Variants in SLC44A1 observed in about 807,000 individuals in gnomAD.
SLC44A1 encodes the protein choline transporter-like protein 1.
Under a neutral mutation model 79.3 loss-of-function variants are expected in SLC44A1, and 26 were observed. The ratio of observed to expected loss-of-function variants is 0.33; its 90% CI spans 0.24 to 0.46. The LOEUF (loss-of-function observed/expected upper bound fraction) is 0.46, where lower values mean the gene tolerates loss of function less well. Ranked by LOEUF, SLC44A1 falls within the 20% of genes least tolerant of loss-of-function variation. The pLI is 1.00. For missense variants in SLC44A1, 688 were observed against 798.1 expected (o/e 0.86, Z 1.66); for synonymous variants, 263 against 286.2 (o/e 0.92, Z 0.82).
chr9:105,378,316 A>G (rs1353776674), intron 13 of SLC44A1, among the ~76,000 whole-genome samples: 2 of 152,222 alleles, frequency 1.3e-5, no homozygotes, highest in East Asian at 1.9e-4. Context: ...TTGGTGTTAC[A>G]TTATGAGCAT....
intron 13 of SLC44A1, among the ~76,000 whole-genome samples, chr9:105,378,968 A>G (rs1035315680): frequency 3.9e-5 from 6 of 152,206 alleles, no homozygotes; most frequent in African/African-American, 1.4e-4. Flanking sequence ...GATTAATTCC[A>G]TTTATATAAT....
At position 105,392,428 on chromosome 9, in the gene SLC44A1, T is replaced by A; in HGVS notation, c.*3372T>A. ...CTTTTTTTTTTTTTTTTTTTTTTTT[T>A]TTCCGTGAGGGCATTAGGCTGCTGA... is the stretch of plus-strand genomic sequence containing the variant. On this transcript the variant is annotated 3_prime_UTR_variant, in exon 16 of 16. Transcript: ENST00000374720. 1 of 831,984 alleles carries A rather than the reference T, an allele frequency of 1.2e-6. No individual in the cohort carries two copies. Among genetic ancestry groups the A allele is most frequent in the Non-Finnish European group, 1.4e-6 (1 of 717,768 alleles). The allele number at this position is 831,984 out of a possible 1,614,324, so 51.5% of individuals were successfully genotyped here.
intron 10 of SLC44A1, among the ~76,000 whole-genome samples, 190 bp from the exon 11 acceptor site, chr9:105,365,293 A>T (rs1827904764): frequency 6.6e-6 from 1 of 152,220 alleles, no homozygotes; most frequent in South Asian, 2.1e-4. Flanking sequence ...TAGAGCAATG[A>T]CATTAATTTT....
intron 1 of SLC44A1, among the ~76,000 whole-genome samples, chr9:105,245,182 C>T (rs1412389905): frequency 6.6e-6 from 1 of 151,690 alleles, no homozygotes; most frequent in African/African-American, 2.4e-5. Flanking sequence ...CTCCCAGTCA[C>T]ACCTGAGCTG....
At chr9:105,246,906 C>G (rs1353364827) in intron 1 of SLC44A1, among the ~76,000 whole-genome samples, 2 of 152,186 alleles carry the variant, frequency 1.3e-5, no homozygotes, top group Non-Finnish European at 2.9e-5. Context: ...CTTTTACCTC[C>G]TCTCACTGTA....
intron 1 of SLC44A1, among the ~76,000 whole-genome samples, chr9:105,292,323 A>C (rs1266782559): frequency 2.0e-5 from 3 of 152,206 alleles, no homozygotes; most frequent in Non-Finnish European, 2.9e-5. Flanking sequence ...TAGTAAATAT[A>C]ACCCTACACA....
At chr9:105,306,513 A>C (rs1474998737) in intron 2 of SLC44A1, among the ~76,000 whole-genome samples, 1 of 151,900 alleles carries the variant, frequency 6.6e-6, no homozygotes, top group Non-Finnish European at 1.5e-5. Context: ...GATGATAGTC[A>C]TGGTTTTTTC....
chr9:105,255,765 C>G (rs1829689807), intron 1 of SLC44A1, among the ~76,000 whole-genome samples: 1 of 152,150 alleles, frequency 6.6e-6, no homozygotes, highest in Non-Finnish European at 1.5e-5. Flanking sequence ...TTGAATCCCA[C>G]CTTATCACTA....
intron 15 of SLC44A1, among the ~76,000 whole-genome samples, chr9:105,436,821 C>T (rs1222130749): frequency 1.3e-5 from 2 of 152,072 alleles, no homozygotes; most frequent in African/African-American, 4.8e-5. Flanking sequence ...TAAAATGAAA[C>T]TTTTGGTAAG....
chr9:105,358,227 G>C (rs1002402479), intron 6 of SLC44A1, 117 bp from the exon 7 acceptor site: 1 of 609,206 alleles, frequency 1.6e-6, no homozygotes, highest in Admixed American at 3.0e-5. Flanking sequence ...TATCTAAATT[G>C]TGGTCAATAG....
intron 1 of SLC44A1, among the ~76,000 whole-genome samples, chr9:105,255,101 GTT>G (rs74312883): frequency 6.3e-5 from 7 of 111,892 alleles, no homozygotes; most frequent in African/African-American, 1.5e-4. Context: ...AGGTTTTTTT[GTT>G]TTTTTTTTTT....
In SLC44A1 at chr9:105,333,394, A is replaced by T. The variant is rs577716161; in HGVS notation, c.270-2169A>T. On this transcript the variant is annotated intron_variant, in intron 3 of 15. Transcript: ENST00000374720. ...CCCACCTCCCACCCCATAGAGAAAC[A>T]CACAACAGAATTACTGTGAGAGTTA... 3.9e-5 allele frequency among the ~76,000 whole-genome samples: 6 copies of T among 152,308 alleles called. No individual in the cohort carries two copies. In the East Asian group the frequency reaches 9.6e-4, roughly 24 times the overall value.
intron 12 of SLC44A1, among the ~76,000 whole-genome samples, chr9:105,371,347 A>G (rs1351973541): frequency 6.6e-6 from 1 of 152,254 alleles, no homozygotes; most frequent in Non-Finnish European, 1.5e-5. Flanking sequence ...TCACGACGGC[A>G]CAGTTCCATC....
intron 2 of SLC44A1, among the ~76,000 whole-genome samples, chr9:105,306,921 T>G (rs1397430774): frequency 6.6e-6 from 1 of 152,200 alleles, no homozygotes; most frequent in Non-Finnish European, 1.5e-5. Context: ...GAAAGAAGAT[T>G]GTAATTGTGG....
At chr9:105,258,907 G>A (rs1829776810) in intron 1 of SLC44A1, among the ~76,000 whole-genome samples, 1 of 150,796 alleles carries the variant, frequency 6.6e-6, no homozygotes, top group South Asian at 2.1e-4. Flanking sequence ...GTTTCACCAT[G>A]TTGGCCAGGC....
At position 105,397,078 on chromosome 9, in the gene SLC44A1, A is replaced by G; in HGVS notation, c.*8022A>G. ...TAAGCAATTAACTTTCTGGAGTTGG[A>G]GTTATCAAATCTTGCTGGGAAATTA... is the stretch of plus-strand genomic sequence containing the variant. On this transcript the variant is annotated 3_prime_UTR_variant, in exon 16 of 16. Transcript: ENST00000374720. The G allele has an allele frequency of 3.0e-6, 3 of 985,388 alleles. No homozygotes were observed. Among genetic ancestry groups the G allele is most frequent in the Non-Finnish European group, 3.6e-6 (3 of 829,896 alleles). The allele number at this position is 985,388 out of a possible 1,614,324, so 61.0% of individuals were successfully genotyped here. A position where few individuals can be genotyped will look rare whatever the true frequency, so the allele number is the denominator to read the frequency against.
chr9:105,312,607 A>G (rs1304098602), intron 3 of SLC44A1, among the ~76,000 whole-genome samples: 2 of 152,236 alleles, frequency 1.3e-5, no homozygotes, highest in Admixed American at 1.3e-4. Flanking sequence ...CATATTGCTG[A>G]ATGGCTTTCC....
intron 1 of SLC44A1, among the ~76,000 whole-genome samples, chr9:105,268,127 G>A (rs1830001229): frequency 6.6e-6 from 1 of 152,158 alleles, no homozygotes; most frequent in Non-Finnish European, 1.5e-5. Flanking sequence ...CTGGGTAGAA[G>A]AGGGGCAGTT....
intron 1 of SLC44A1, among the ~76,000 whole-genome samples, chr9:105,282,910 A>C (rs1830392565): frequency 6.6e-6 from 1 of 152,152 alleles, no homozygotes; most frequent in African/African-American, 2.4e-5. Context: ...GTGACGATAT[A>C]TCATCTTCAT....
Sources: allele counts gnomAD v4.1 joint callset (sites outside exome capture counted in the v4.1 genomes callset), GRCh38; gene constraint gnomAD v4.1.1; transcripts MANE v1.5; gene names NCBI Gene and HGNC (gene_info 2026-07-23, HGNC 2026-07-21).